Variants in CHRM3 observed in about 807,000 individuals in gnomAD.
CHRM3 encodes the protein muscarinic acetylcholine receptor M3.
A neutral mutation model predicts 41.8 loss-of-function variants in CHRM3; 11 were observed. The ratio of observed to expected loss-of-function variants is 0.26; its 90% confidence interval spans 0.17 to 0.44. CHRM3 has a LOEUF of 0.44. Ranked by LOEUF, CHRM3 falls within the 20% of genes least tolerant of loss-of-function variation. The probability of loss-of-function intolerance (pLI) is 1.00; values close to 1 mark genes in which losing one functional copy is unlikely to be tolerated. For synonymous variants in CHRM3, 297 were observed against 301.4 expected (o/e 0.99, Z 0.15); for missense variants, 571 against 745.4 (o/e 0.77, Z 2.72).
In CHRM3 at chr1:239,912,258, T is replaced by C. The variant is rs1680406667; in HGVS notation, c.*3034T>C. The C allele has an allele frequency of 6.0e-6, 1 of 167,114 alleles. No individual in the cohort carries two copies. The highest frequency in any genetic ancestry group is 6.5e-5 in the Admixed American group (1 of 15,270). The allele number at this position is 167,114 out of a possible 1,614,324, so 10.4% of individuals were successfully genotyped here. On this transcript the variant is annotated 3_prime_UTR_variant, in exon 7 of 7. Coordinates refer to ENST00000676153, the MANE Select transcript of CHRM3 (RefSeq NM_001375978.1). The stretch of plus-strand genomic sequence containing the variant: ...AGATGGTTAGGAGAAGTGAGCTCTC[T>C]CTGGTCCCCTAGATCCCTCGGCTCT...
chr1:239,518,914 T>A (rs948889321), intron 2 of CHRM3, among the ~76,000 whole-genome samples: 4 of 152,184 alleles, frequency 2.6e-5, no homozygotes, highest in African/African-American at 7.2e-5. Context: ...CTTCGAAAAG[T>A]TTTATACATA....
At chr1:239,505,410 C>T (rs1281508025) in intron 2 of CHRM3, among the ~76,000 whole-genome samples, 1 of 152,060 alleles carries the variant, frequency 6.6e-6, no homozygotes, top group Non-Finnish European at 1.5e-5. Flanking sequence ...GCAGGTCTTT[C>T]CCATGCTGTT....
At chr1:239,560,206 C>T (rs2148485405) in intron 3 of CHRM3, among the ~76,000 whole-genome samples, 1 of 152,218 alleles carries the variant, frequency 6.6e-6, no homozygotes, top group Admixed American at 6.5e-5. Context: ...AGTAACTTTA[C>T]AATAATGTTA....
chr1:239,783,298 A>T (rs1466112334), intron 5 of CHRM3, among the ~76,000 whole-genome samples: 1 of 151,980 alleles, frequency 6.6e-6, no homozygotes, highest in African/African-American at 2.4e-5. Flanking sequence ...ATAAGAAACA[A>T]TATTTTGGAA....
intron 6 of CHRM3, among the ~76,000 whole-genome samples, chr1:239,887,295 G>A (rs1325070674): frequency 6.6e-6 from 1 of 152,000 alleles, no homozygotes; most frequent in Non-Finnish European, 1.5e-5. Flanking sequence ...TCCACCTCCT[G>A]GGTTCAAGCG....
chr1:239,835,118 A>G (rs1253346179), intron 6 of CHRM3, among the ~76,000 whole-genome samples: 2 of 152,196 alleles, frequency 1.3e-5, no homozygotes, highest in African/African-American at 2.4e-5. Context: ...TGCCATTGTG[A>G]TTTAAACATG....
intron 1 of CHRM3, among the ~76,000 whole-genome samples, chr1:239,433,024 G>C (rs1333401194): frequency 6.6e-6 from 1 of 151,936 alleles, no homozygotes. Flanking sequence ...TCTTCATCCA[G>C]CTCAGCGCTG....
intron 5 of CHRM3, among the ~76,000 whole-genome samples, chr1:239,789,367 T>A (rs377534694): frequency 9.2e-5 from 14 of 152,314 alleles, no homozygotes; most frequent in African/African-American, 1.9e-4. Flanking sequence ...AGGAATATAC[T>A]TCTACCATCA....
At chr1:239,426,523 G>C (rs1035873911) in intron 1 of CHRM3, among the ~76,000 whole-genome samples, 11 of 146,566 alleles carry the variant, frequency 7.5e-5, no homozygotes, top group South Asian at 2.2e-4. Context: ...ACAAAATTAA[G>C]ATGAGTGGGT....
rs377366936 is a variant in CHRM3, at chr1:239,600,797, T to TTTCCTTCCTTCCTTCC, written c.-312-31417_-312-31402dup. On this transcript the variant is annotated intron_variant, in intron 3 of 6. Coordinates refer to ENST00000676153, the MANE Select transcript of CHRM3 (RefSeq NM_001375978.1). ...TTCTTCTTTTCCTTCCTTCCTTTTC[T>TTTCCTTCCTTCCTTCC]TTCCTTCCTTCCTTCCTTCCTTCCT... Among the ~76,000 whole-genome samples, 303 of 150,562 alleles carry TTTCCTTCCTTCCTTCC rather than the reference T, an allele frequency of 2.0e-3. 2 individuals carry two copies. Among genetic ancestry groups the TTTCCTTCCTTCCTTCC allele is most frequent in the African/African-American group, 7.2e-3 (296 of 40,906 alleles).
At position 239,681,156 on chromosome 1, in the gene CHRM3, C is replaced by T. The variant is rs566683182; in HGVS notation, c.-147+2868C>T. 4.6e-5 allele frequency among the ~76,000 whole-genome samples: 7 copies of T among 152,298 alleles called. No homozygotes were observed. In the East Asian group the frequency reaches 5.8e-4, roughly 13 times the overall value. On this transcript the variant is annotated intron_variant, in intron 5 of 6. Coordinates refer to ENST00000676153, the MANE Select transcript of CHRM3 (RefSeq NM_001375978.1). The stretch of plus-strand genomic sequence containing the variant: ...CTCCCCCTGGGTCCCTCCCGCAACA[C>T]GTGGGAATTCTGGGAGATATGATTC...
intron 3 of CHRM3, among the ~76,000 whole-genome samples, chr1:239,554,766 G>A (rs192736103): frequency 0.01 from 1,269 of 121,756 alleles, 19 homozygotes; most frequent in African/African-American, 0.037. Context: ...GTCTCACTCT[G>A]TTGCCCAGGC....
intron 5 of CHRM3, among the ~76,000 whole-genome samples, chr1:239,722,396 C>T (rs1459169941): frequency 6.6e-6 from 1 of 151,868 alleles, no homozygotes; most frequent in Non-Finnish European, 1.5e-5. Context: ...TTGCTGTCTC[C>T]TCCCCACAAA....
intron 6 of CHRM3, among the ~76,000 whole-genome samples, chr1:239,843,274 A>G (rs1673974373): frequency 6.6e-6 from 1 of 152,126 alleles, no homozygotes; most frequent in South Asian, 2.1e-4. Flanking sequence ...GCACAAGTGT[A>G]GAATGTGGTA....
At position 239,534,756 on chromosome 1, in the gene CHRM3, T is replaced by C. The variant is rs971220760; in HGVS notation, c.-421-10885T>C. Among the ~76,000 whole-genome samples, 11 of 152,346 alleles carry C rather than the reference T, an allele frequency of 7.2e-5. No homozygotes were observed. In the East Asian group the frequency reaches 2.1e-3, roughly 29 times the overall value. On this transcript the variant is annotated intron_variant, in intron 2 of 6. Coordinates refer to ENST00000676153, the MANE Select transcript of CHRM3 (RefSeq NM_001375978.1). ...TATGAAGATTAAATCATAAGATTCA[T>C]ACATGGAACATTTAGTATTTTACTT...
chr1:239,596,188 A>G (rs1664754254), intron 3 of CHRM3, among the ~76,000 whole-genome samples: 1 of 152,208 alleles, frequency 6.6e-6, no homozygotes, highest in East Asian at 1.9e-4. Context: ...CTTTAAAACT[A>G]GTAATTTTCC....
At chr1:239,735,080 A>C (rs907536908) in intron 5 of CHRM3, among the ~76,000 whole-genome samples, 1 of 152,190 alleles carries the variant, frequency 6.6e-6, no homozygotes, top group East Asian at 1.9e-4. Context: ...AGGAGAAAAT[A>C]GACAATATTC....
intron 3 of CHRM3, among the ~76,000 whole-genome samples, chr1:239,569,932 A>G (rs1194351488): frequency 6.6e-6 from 1 of 152,196 alleles, no homozygotes; most frequent in Middle Eastern, 3.2e-3. Context: ...ATATAACTGA[A>G]TTCTGAAGAT....
intron 5 of CHRM3, among the ~76,000 whole-genome samples, chr1:239,761,341 CA>C (rs1666755725): frequency 6.6e-6 from 1 of 152,268 alleles, no homozygotes; most frequent in South Asian, 2.1e-4. Context: ...CCCTCATCTA[CA>C]AATGATATCG....
Sources: gnomAD v4.1 joint callset for allele counts (sites outside exome capture counted in the v4.1 genomes callset) on GRCh38, gnomAD v4.1.1 for gene constraint, MANE v1.5 for transcripts, NCBI Gene and HGNC (gene_info 2026-07-23, HGNC 2026-07-21) for gene names.